The following ZNRF1 variants were observed in gnomAD, a reference collection of about 807,000 sequenced individuals.
ZNRF1 encodes the protein E3 ubiquitin-protein ligase ZNRF1.
In ZNRF1, 3 loss-of-function variants were observed where a neutral mutation model predicts 18.4. The ratio of observed to expected loss-of-function variants is 0.16; its 90% confidence interval spans 0.07 to 0.42. The LOEUF (loss-of-function observed/expected upper bound fraction) is 0.42. Ranked by LOEUF, ZNRF1 falls within the 10% of genes least tolerant of loss-of-function variation. The pLI is 0.99. For missense variants in ZNRF1, 310 were observed against 329.8 expected, an observed-to-expected ratio of 0.94 and a Z score of 0.47; for synonymous variants, 157 against 144.2, an observed-to-expected ratio of 1.09 and a Z score of -0.64.
chr16:75,058,107 T>TTTTC (rs1491568453), intron 1 of ZNRF1, among the ~76,000 whole-genome samples: 1 of 3,106 alleles, frequency 3.2e-4, no homozygotes, highest in African/African-American at 6.8e-4. Context: ...TTTCCTTTTC[T>TTTTC]TTTTTTTTTT....
intron 3 of ZNRF1, chr16:75,106,227 C>T (rs2036314319): frequency 2.0e-6 from 1 of 500,072 alleles, no homozygotes; most frequent in African/African-American, 1.9e-5. Flanking sequence ...GAAAGCCACT[C>T]TGCCCCTTCC....
chr16:75,067,542 G>A (rs1315337626), intron 1 of ZNRF1, among the ~76,000 whole-genome samples: 2 of 152,146 alleles, frequency 1.3e-5, no homozygotes, highest in African/African-American at 4.8e-5. Flanking sequence ...TCAGAAAGAA[G>A]AGAAAAGGGA....
At chr16:75,022,956 G>A (rs1009904143) in intron 1 of ZNRF1, among the ~76,000 whole-genome samples, 1 of 152,190 alleles carries the variant, frequency 6.6e-6, no homozygotes, top group Non-Finnish European at 1.5e-5. Context: ...TGATTTATGG[G>A]ATCATTGGTG....
chr16:75,095,474 C>T (rs993730724), intron 2 of ZNRF1: 52 of 1,042,952 alleles, frequency 5.0e-5, no homozygotes, highest in Non-Finnish European at 6.2e-5. Flanking sequence ...TCTCACAGCC[C>T]TCCCTAGCCA....
Position 75,080,899 on chromosome 16 carries a change from T to G in ZNRF1, c.425-12673T>G, listed in dbSNP as rs376408955. On this transcript the variant is annotated intron_variant, in intron 1 of 4. Coordinates refer to ENST00000335325, the MANE Select transcript of ZNRF1 (RefSeq NM_032268.5). ...TTAAAAAATAAAAATGAGGGCCGGG[T>G]GCAGTGGCTCACACCTGTAATCCCA... 4.0e-5 allele frequency among the ~76,000 whole-genome samples: 6 copies of G among 150,220 alleles called. No individual in the cohort carries two copies. The South Asian group carries it at 1.3e-3, about 32-fold the overall frequency.
chr16:75,019,622 G>C (rs2035118121), intron 1 of ZNRF1, among the ~76,000 whole-genome samples: 1 of 152,056 alleles, frequency 6.6e-6, no homozygotes, highest in South Asian at 2.1e-4. Flanking sequence ...AAAAATGTTG[G>C]GTGAAGTTTT....
intron 1 of ZNRF1, among the ~76,000 whole-genome samples, chr16:75,019,582 G>C (rs2035117486): frequency 6.6e-6 from 1 of 152,102 alleles, no homozygotes; most frequent in South Asian, 2.1e-4. Context: ...AACAACTGTT[G>C]GGTGAGGGGG....
At chr16:75,045,989 A>C (rs1341295141) in intron 1 of ZNRF1, among the ~76,000 whole-genome samples, 7 of 151,056 alleles carry the variant, frequency 4.6e-5, no homozygotes, top group Non-Finnish European at 5.9e-5. Context: ...TGCAATCTCC[A>C]CCTCCTGGGT....
chr16:75,049,007 CTTT>C (rs531574563), intron 1 of ZNRF1, among the ~76,000 whole-genome samples: 2 of 143,728 alleles, frequency 1.4e-5, no homozygotes, highest in African/African-American at 2.5e-5. Flanking sequence ...TTTGGAATCC[CTTT>C]TTTTTTTTTT....
chr16:75,090,416 C>T (rs2036123299), intron 1 of ZNRF1, among the ~76,000 whole-genome samples: 3 of 152,116 alleles, frequency 2.0e-5, no homozygotes, highest in African/African-American at 7.2e-5. Context: ...CGGGGTCTCA[C>T]TGTGTTGCCC....
At chr16:75,041,171 G>A (rs560746394) in intron 1 of ZNRF1, among the ~76,000 whole-genome samples, 9 of 152,276 alleles carry the variant, frequency 5.9e-5, no homozygotes, top group African/African-American at 1.9e-4. Flanking sequence ...GAAACTGGCA[G>A]CCTTTTCCAA....
intron 2 of ZNRF1, among the ~76,000 whole-genome samples, chr16:75,094,683 G>A: frequency 6.6e-6 from 1 of 152,144 alleles, no homozygotes; most frequent in Non-Finnish European, 1.5e-5. Context: ...ACCTTCATAG[G>A]TTTCTTTTTG....
At chr16:75,053,123 G>A (rs1217627554) in intron 1 of ZNRF1, among the ~76,000 whole-genome samples, 1 of 152,120 alleles carries the variant, frequency 6.6e-6, no homozygotes, top group Non-Finnish European at 1.5e-5. Context: ...GATCGCAGAG[G>A]AAATCTAGGG....
At chr16:75,086,992 G>A (rs1036454288) in intron 1 of ZNRF1, among the ~76,000 whole-genome samples, 4 of 152,172 alleles carry the variant, frequency 2.6e-5, no homozygotes, top group African/African-American at 7.2e-5. Flanking sequence ...GCAACACGCC[G>A]CCAGCACATG....
intron 1 of ZNRF1, among the ~76,000 whole-genome samples, chr16:75,046,311 G>T (rs1243204500): frequency 3.3e-5 from 5 of 151,918 alleles, no homozygotes; most frequent in Non-Finnish European, 7.4e-5. Context: ...AAGTGCAGTG[G>T]CACGATCTCA....
chr16:75,072,464 C>T (rs2035881034), intron 1 of ZNRF1, among the ~76,000 whole-genome samples: 1 of 152,124 alleles, frequency 6.6e-6, no homozygotes, highest in African/African-American at 2.4e-5. Flanking sequence ...GTCTGGATCC[C>T]TCATCAGAGT....
At chr16:75,085,700 C>G (rs934014969) in intron 1 of ZNRF1, among the ~76,000 whole-genome samples, 4 of 151,748 alleles carry the variant, frequency 2.6e-5, no homozygotes, top group Admixed American at 1.3e-4. Flanking sequence ...TTACCAACAT[C>G]TGGTGTTGCT....
rs1214479517 is a variant in ZNRF1, at chr16:75,109,276, G to C, written c.*1576G>C. 6.6e-6 allele frequency: 1 copy of C among 152,608 alleles called. No individual in the cohort carries two copies. Among genetic ancestry groups the C allele is most frequent in the African/African-American group, 2.4e-5 (1 of 41,486 alleles). The allele number at this position is 152,608 out of a possible 1,614,324, so 9.5% of individuals were successfully genotyped here. ...GCTCGGGGCAGGGAGCAGCAGTGCAGGCCTGGCCTGTGTCCCCGTGCCCAG... is the reference window on the plus strand; with the variant it reads ...GCTCGGGGCAGGGAGCAGCAGTGCACGCCTGGCCTGTGTCCCCGTGCCCAG... On this transcript the variant is annotated 3_prime_UTR_variant, in exon 5 of 5. Transcript: ENST00000335325.
rs1331452832 is a variant in ZNRF1, at chr16:75,036,583, T to TC, written c.424+36491dup. On this transcript the variant is annotated intron_variant, in intron 1 of 4. Transcript: ENST00000335325. ...TCATCTGTTTCTTTTTTTTTTTTTTTCCCTCTCCTTCTTTCCTTCATTTGG... is the reference window on the plus strand; with the variant it reads ...TCATCTGTTTCTTTTTTTTTTTTTTTCCCCTCTCCTTCTTTCCTTCATTTGG... Among the ~76,000 whole-genome samples, 9 of 151,740 alleles carry TC rather than the reference T, an allele frequency of 5.9e-5. No individual in the cohort carries two copies. In the East Asian group the frequency reaches 1.2e-3, roughly 20 times the overall value.
Sources: gnomAD v4.1 joint callset for allele counts (sites outside exome capture counted in the v4.1 genomes callset) on GRCh38, gnomAD v4.1.1 for gene constraint, MANE v1.5 for transcripts, NCBI Gene and HGNC (gene_info 2026-07-23, HGNC 2026-07-21) for gene names.